Variants in PCDH9 observed in about 807,000 individuals in gnomAD.
PCDH9 encodes protocadherin-9.
PCDH9 carries 24 observed loss-of-function variants against 70.6 expected under a neutral mutation model. That is an observed-to-expected ratio of 0.34 (90% confidence interval 0.25 to 0.48). The LOEUF is 0.48. Among genes scored for constraint, PCDH9 ranks in the 20% least tolerant of loss-of-function variants. PCDH9 has a pLI of 0.99. For missense variants in PCDH9, 1,281 were observed against 1,503.6 expected, an observed-to-expected ratio of 0.85 and a Z score of 2.45; for synonymous variants, 562 against 558.5, an observed-to-expected ratio of 1.01 and a Z score of -0.09.
At chr13:66,779,753 G>A (rs1033047679) in intron 3 of PCDH9, among the ~76,000 whole-genome samples, 8 of 150,982 alleles carry the variant, frequency 5.3e-5, no homozygotes, top group Admixed American at 2.0e-4. Context: ...CCTGGGAGGC[G>A]GTGGTTGCAG....
chr13:66,533,235 G>T (rs1960544498), intron 4 of PCDH9, among the ~76,000 whole-genome samples: 1 of 152,028 alleles, frequency 6.6e-6, no homozygotes, highest in Admixed American at 6.6e-5. Context: ...CTTTATGGAA[G>T]CTTTAAATAA....
chr13:67,032,976 A>G (rs1469585756), intron 2 of PCDH9, among the ~76,000 whole-genome samples: 1 of 139,360 alleles, frequency 7.2e-6, no homozygotes, highest in Non-Finnish European at 1.5e-5. Flanking sequence ...ATTTTCTTCT[A>G]ATTTGTCCTT....
chr13:66,881,122 A>G (rs1275162455), intron 3 of PCDH9, among the ~76,000 whole-genome samples: 2 of 152,228 alleles, frequency 1.3e-5, no homozygotes, highest in African/African-American at 4.8e-5. Context: ...CATCTATGTA[A>G]TAGTGATCTA....
intron 2 of PCDH9, among the ~76,000 whole-genome samples, chr13:67,182,613 C>T (rs2088646978): frequency 6.6e-6 from 1 of 151,988 alleles, no homozygotes; most frequent in Non-Finnish European, 1.5e-5. Context: ...ACTTTTCTTC[C>T]CACTTAGGAT....
intron 2 of PCDH9, among the ~76,000 whole-genome samples, chr13:67,043,806 T>C (rs1194629772): frequency 6.6e-6 from 1 of 152,188 alleles, no homozygotes; most frequent in Non-Finnish European, 1.5e-5. Context: ...TGGCTTCCAG[T>C]ACAATAATCA....
At chr13:66,760,669 G>A (rs1408935479) in intron 3 of PCDH9, among the ~76,000 whole-genome samples, 1 of 152,140 alleles carries the variant, frequency 6.6e-6, no homozygotes, top group African/African-American at 2.4e-5. Flanking sequence ...GGCAACAAAG[G>A]AGATAACCAT....
At chr13:67,184,387 G>C (rs186834270) in intron 2 of PCDH9, among the ~76,000 whole-genome samples, 1 of 152,186 alleles carries the variant, frequency 6.6e-6, no homozygotes, top group East Asian at 1.9e-4. Context: ...AATCTTACTA[G>C]ATCCGCATTC....
chr13:66,978,879 GTTA>G (rs968151809), intron 2 of PCDH9, among the ~76,000 whole-genome samples: 8 of 150,892 alleles, frequency 5.3e-5, no homozygotes, highest in East Asian at 2.0e-4. Context: ...TATGTATGAA[GTTA>G]TTAAGGCCAA....
intron 4 of PCDH9, among the ~76,000 whole-genome samples, chr13:66,502,911 A>G (rs1959184337): frequency 6.6e-6 from 1 of 152,204 alleles, no homozygotes; most frequent in South Asian, 2.1e-4. Flanking sequence ...GAAAAATGCC[A>G]CTAATTTAAG....
At chr13:66,418,083 T>G (rs1292001304) in intron 4 of PCDH9, among the ~76,000 whole-genome samples, 2 of 152,214 alleles carry the variant, frequency 1.3e-5, no homozygotes, top group East Asian at 3.8e-4. Context: ...TCCTTGCCCA[T>G]GCCTATGTCC....
At chr13:66,721,102 C>G (rs1031282182) in intron 3 of PCDH9, among the ~76,000 whole-genome samples, 1 of 152,114 alleles carries the variant, frequency 6.6e-6, no homozygotes, top group South Asian at 2.1e-4. Flanking sequence ...AAATTATTTG[C>G]GCACAGGAGT....
intron 4 of PCDH9, among the ~76,000 whole-genome samples, chr13:66,441,797 G>A (rs1957979022): frequency 6.6e-6 from 1 of 151,976 alleles, no homozygotes; most frequent in South Asian, 2.1e-4. Flanking sequence ...GAAAAACTAA[G>A]ATATTTTAAA....
At chr13:66,314,302 A>G (rs1365433443) in intron 4 of PCDH9, among the ~76,000 whole-genome samples, 1 of 152,182 alleles carries the variant, frequency 6.6e-6, no homozygotes, top group Non-Finnish European at 1.5e-5. Flanking sequence ...GGAGAGTTTT[A>G]AGCACACAAA....
chr13:66,789,425 A>T (rs2080128969), intron 3 of PCDH9, among the ~76,000 whole-genome samples: 1 of 152,174 alleles, frequency 6.6e-6, no homozygotes, highest in African/African-American at 2.4e-5. Context: ...TGGCAATTGG[A>T]CAAACTTAAA....
chr13:67,225,008 T>C, intron 2 of PCDH9: 1 of 1,031,426 alleles, frequency 9.7e-7, no homozygotes, highest in Non-Finnish European at 1.2e-6. Flanking sequence ...ATTGAAAACT[T>C]GAGATTTGAA....
rs759258822 is a variant in PCDH9, at chr13:67,225,759, A to C, written c.2682T>G (p.Asp894Glu). The C allele has an allele frequency of 1.2e-5, 19 of 1,614,164 alleles. No homozygotes were observed. In the East Asian group the frequency reaches 4.0e-4, roughly 34 times the overall value. ...TCCCATTGATAGGTTCATGAACTGC[A>C]TCATCGGGTTTGGACTCTTCGATAG... ...FVTIEESKPD[D>E]AVHEPINGTI... The change falls in exon 2 of 5, where the codon GAT (aspartate) becomes GAG (glutamate). Residue 894 changes from aspartate to glutamate, a missense_variant. Physicochemically the swap from Asp to Glu is conservative, Grantham distance 45. Around this residue, in one of 4 missense-constraint regions of PCDH9, gnomAD observed 207 missense variants for 191.8 expected, o/e 1.08. Transcript: ENST00000377865.
intron 2 of PCDH9, among the ~76,000 whole-genome samples, chr13:67,196,732 C>G (rs1290776551): frequency 1.3e-5 from 2 of 151,910 alleles, no homozygotes. Context: ...TCAAATCAAT[C>G]CTGATTCTTG....
chr13:66,834,378 G>A lies in PCDH9; in HGVS notation c.3138+69126C>T, dbSNP rs577293363. The stretch of plus-strand genomic sequence containing the variant: ...GCTGGTCTCAAACTGCTGACCTCAG[G>A]TGATCCACCCGCCTCGGCCTCCCAG... On this transcript the variant is annotated intron_variant, in intron 3 of 4. Coordinates refer to ENST00000377865, the MANE Select transcript of PCDH9 (RefSeq NM_203487.3). Among the ~76,000 whole-genome samples the A allele has an allele frequency of 2.0e-5, 3 of 152,058 alleles. No homozygotes were observed. The East Asian group carries it at 5.8e-4, about 30-fold the overall frequency.
At chr13:66,361,577 G>A (rs1190128488) in intron 4 of PCDH9, among the ~76,000 whole-genome samples, 2 of 151,720 alleles carry the variant, frequency 1.3e-5, no homozygotes, top group African/African-American at 4.8e-5. Flanking sequence ...GAAAATTAAG[G>A]CAAAAATGAG....
Sources: allele counts gnomAD v4.1 joint callset (sites outside exome capture counted in the v4.1 genomes callset), GRCh38; gene constraint gnomAD v4.1.1; regional missense constraint gnomAD v4.1.1; transcripts MANE v1.5; gene names NCBI Gene and HGNC (gene_info 2026-07-23, HGNC 2026-07-21).